The following KALRN variants were observed in gnomAD, a reference collection of about 807,000 sequenced individuals.
KALRN encodes the protein kalirin RhoGEF kinase.
A neutral mutation model predicts 353.7 loss-of-function variants in KALRN; 70 were observed. The ratio of observed to expected loss-of-function variants is 0.20; its 90% confidence interval spans 0.16 to 0.24. The LOEUF (loss-of-function observed/expected upper bound fraction) is 0.24. Ranked by LOEUF, KALRN falls within the 10% of genes least tolerant of loss-of-function variation. The pLI, the probability that KALRN is intolerant of heterozygous loss-of-function variation, is 1.00. For synonymous variants in KALRN, 1,391 were observed against 1,434.8 expected (o/e 0.97, Z 0.69); for missense variants, 2,791 against 3,756.7 (o/e 0.74, Z 6.72).
chr3:124,696,111 GA>G, intron 53 of KALRN, 22 bp from the exon 54 acceptor site: 3 of 1,612,698 alleles, frequency 1.9e-6, no homozygotes, highest in Middle Eastern at 3.3e-4. Flanking sequence ...GGAGTCTGAA[GA>G]GCATCCTTTT....
chr3:124,658,354 G>A (rs1018126567), intron 41 of KALRN, 77 bp from the exon 42 acceptor site: 6 of 1,093,376 alleles, frequency 5.5e-6, no homozygotes, highest in Non-Finnish European at 5.7e-6. Flanking sequence ...TCCACGTGGA[G>A]GCCAGCACGG....
At chr3:124,369,400 A>T (rs1205677032) in intron 10 of KALRN, among the ~76,000 whole-genome samples, 1 of 152,180 alleles carries the variant, frequency 6.6e-6, no homozygotes, top group East Asian at 1.9e-4. Flanking sequence ...CCCACTTTCC[A>T]ATTTCAGACT....
chr3:124,366,692 C>A (rs1343010502), intron 10 of KALRN, among the ~76,000 whole-genome samples: 4 of 152,186 alleles, frequency 2.6e-5, no homozygotes, highest in African/African-American at 9.7e-5. Context: ...CCATTGTCAT[C>A]CTGGCCCGTT....
intron 57 of KALRN, among the ~76,000 whole-genome samples, chr3:124,704,739 G>C (rs577485108): frequency 6.6e-6 from 1 of 151,956 alleles, no homozygotes; most frequent in East Asian, 1.9e-4. Context: ...TTGTAGATAC[G>C]GTATTTCACC....
chr3:124,610,901 A>C (rs72962889), intron 34 of KALRN, among the ~76,000 whole-genome samples: 2 of 151,942 alleles, frequency 1.3e-5, no homozygotes, highest in Non-Finnish European at 2.9e-5. Context: ...GGTGGCGCAC[A>C]CTGTGGTCCC....
At chr3:124,338,582 C>T (rs768295983) in intron 9 of KALRN, among the ~76,000 whole-genome samples, 18 of 152,122 alleles carry the variant, frequency 1.2e-4, no homozygotes, top group Middle Eastern at 3.4e-3. Context: ...AGAATAAGTG[C>T]GATGTGGTCC....
intron 33 of KALRN, among the ~76,000 whole-genome samples, chr3:124,515,780 C>A (rs1226009990): frequency 6.6e-6 from 1 of 152,150 alleles, no homozygotes; most frequent in Non-Finnish European, 1.5e-5. Flanking sequence ...TTGCCCTAGG[C>A]CAGATTTTTG....
intron 36 of KALRN, among the ~76,000 whole-genome samples, chr3:124,636,789 G>T (rs191414749): frequency 6.6e-6 from 1 of 152,252 alleles, no homozygotes; most frequent in East Asian, 1.9e-4. Context: ...CACACTCAAG[G>T]CTGGGTTTGT....
intron 8 of KALRN, among the ~76,000 whole-genome samples, chr3:124,331,785 C>T (rs1230943002): frequency 6.6e-6 from 1 of 152,122 alleles, no homozygotes; most frequent in East Asian, 1.9e-4. Context: ...ATATTTCTCT[C>T]AATTAATTAT....
intron 34 of KALRN, among the ~76,000 whole-genome samples, chr3:124,625,980 T>C (rs1561456975): frequency 6.6e-6 from 1 of 151,820 alleles, no homozygotes; most frequent in African/African-American, 2.4e-5. Flanking sequence ...ACACCAGAGG[T>C]TGAGGCAGGA....
intron 57 of KALRN, among the ~76,000 whole-genome samples, chr3:124,711,199 T>G (rs1559881222): frequency 6.6e-6 from 1 of 152,064 alleles, no homozygotes; most frequent in South Asian, 2.1e-4. Context: ...TAAAAAAAAT[T>G]TTTAAAGCGA....
intron 1 of KALRN, among the ~76,000 whole-genome samples, chr3:124,064,232 C>T (rs1289579841): frequency 6.6e-6 from 1 of 151,914 alleles, no homozygotes; most frequent in African/African-American, 2.4e-5. Flanking sequence ...AAGCATAAAC[C>T]AGAGGGACTG....
At chr3:124,372,233 AT>A (rs982275209) in intron 10 of KALRN, among the ~76,000 whole-genome samples, 4 of 152,150 alleles carry the variant, frequency 2.6e-5, no homozygotes, top group African/African-American at 9.7e-5. Context: ...TATTTAAGTG[AT>A]TTTTTCCATT....
intron 1 of KALRN, among the ~76,000 whole-genome samples, chr3:124,108,298 C>T (rs2062508765): frequency 6.6e-6 from 1 of 152,200 alleles, no homozygotes. Context: ...CTCACTACTC[C>T]AGCCACCAAA....
intron 33 of KALRN, among the ~76,000 whole-genome samples, chr3:124,524,378 CAGGG>C (rs1472898327): frequency 1.3e-5 from 2 of 152,106 alleles, no homozygotes; most frequent in African/African-American, 2.4e-5. Context: ...GCATGGTAAA[CAGGG>C]AGCAGTATAG....
At chr3:124,544,017 T>C (rs1209097956) in intron 33 of KALRN, among the ~76,000 whole-genome samples, 1 of 152,188 alleles carries the variant, frequency 6.6e-6, no homozygotes, top group Non-Finnish European at 1.5e-5. Flanking sequence ...GCATGACCCA[T>C]ATATGTAACT....
intron 1 of KALRN, among the ~76,000 whole-genome samples, chr3:124,185,334 C>T (rs1319125538): frequency 6.6e-6 from 1 of 152,216 alleles, no homozygotes; most frequent in Non-Finnish European, 1.5e-5. Context: ...ATGCAACAAG[C>T]TACCAAAACT....
At position 124,649,790 on chromosome 3, in the gene KALRN, AATAGATAG is replaced by A. The variant is rs57296265; in HGVS notation, c.5665-978_5665-971del. ...GCAATAGAGTGAGACCCTGTCTCAA[AATAGATAG>A]ATAGATAGATAGATAGATAGATAGA... On this transcript the variant is annotated intron_variant, in intron 37 of 59. Transcript: ENST00000682506. 2.0e-3 allele frequency among the ~76,000 whole-genome samples: 264 copies of A among 132,834 alleles called. 1 individual carries two copies. The highest frequency in any genetic ancestry group is 0.019 in the Middle Eastern group (5 of 262). The allele number at this position is 132,834 out of a possible 152,430, so 87.1% of individuals were successfully genotyped here.
At chr3:124,067,492 C>T (rs573397931) in intron 1 of KALRN, among the ~76,000 whole-genome samples, 34 of 151,920 alleles carry the variant, frequency 2.2e-4, no homozygotes, top group Admixed American at 5.2e-4. Flanking sequence ...CAGCAAAAAA[C>T]AAAAAACCAC....
Sources: allele counts gnomAD v4.1 joint callset (sites outside exome capture counted in the v4.1 genomes callset), GRCh38; gene constraint gnomAD v4.1.1; transcripts MANE v1.5; gene names NCBI Gene and HGNC (gene_info 2026-07-23, HGNC 2026-07-21).